Variants in TEKT5 observed in about 807,000 individuals in gnomAD.
The protein encoded by TEKT5 is tektin-5.
A neutral mutation model predicts 48.7 loss-of-function variants in TEKT5; 52 were observed. The ratio of observed to expected loss-of-function variants is 1.07; its 90% CI spans 0.86 to 1.35. The LOEUF is 1.35. Among genes scored for constraint, TEKT5 ranks in the 40% most tolerant of loss-of-function variants. The pLI is 0.00. For synonymous variants in TEKT5, 318 were observed against 267.6 expected, an observed-to-expected ratio of 1.19 and a Z score of -1.84; for missense variants, 831 against 641.6, an observed-to-expected ratio of 1.30 and a Z score of -3.19.
chr16:10,668,833 C>T (rs543099456), intron 5 of TEKT5, among the ~76,000 whole-genome samples: 4 of 152,248 alleles, frequency 2.6e-5, no homozygotes, highest in South Asian at 4.1e-4. Flanking sequence ...AAGCAGAGTG[C>T]ACAAATACAG....
chr16:10,639,785 G>A (rs1047657529), intron 5 of TEKT5, among the ~76,000 whole-genome samples: 3 of 152,202 alleles, frequency 2.0e-5, no homozygotes, highest in African/African-American at 7.2e-5. Context: ...CTGGTTCACA[G>A]CAGGGTAGGT....
intron 5 of TEKT5, among the ~76,000 whole-genome samples, chr16:10,658,790 T>C (rs1487771919): frequency 1.3e-5 from 2 of 152,012 alleles, no homozygotes; most frequent in East Asian, 3.9e-4. Context: ...CCATCTCAGC[T>C]CACTGCAACC....
chr16:10,685,136 C>T (rs928884395), intron 3 of TEKT5, among the ~76,000 whole-genome samples: 2 of 152,188 alleles, frequency 1.3e-5, no homozygotes, highest in South Asian at 2.1e-4. Flanking sequence ...CTCCATCCGG[C>T]GTGGCTCGGC....
intron 5 of TEKT5, among the ~76,000 whole-genome samples, chr16:10,669,477 G>C (rs1596412622): frequency 6.6e-6 from 1 of 152,044 alleles, no homozygotes; most frequent in East Asian, 1.9e-4. Context: ...AATTATAAAA[G>C]GGAGATTGGC....
intron 5 of TEKT5, 125 bp from the exon 6 acceptor site, chr16:10,636,043 G>A: frequency 1.4e-6 from 2 of 1,420,148 alleles, no homozygotes; most frequent in Non-Finnish European, 9.5e-7. Flanking sequence ...TCCTTCCCCG[G>A]CCTTGAGCAC....
At chr16:10,674,812 G>A (rs1898615860) in intron 5 of TEKT5, among the ~76,000 whole-genome samples, 1 of 151,360 alleles carries the variant, frequency 6.6e-6, no homozygotes, top group Non-Finnish European at 1.5e-5. Flanking sequence ...CAATAAGAAA[G>A]GGCACAGTTC....
At position 10,633,697 on chromosome 16, in the gene TEKT5, G is replaced by A. The variant is rs193054750; in HGVS notation, c.1241+2067C>T. 6.6e-5 allele frequency among the ~76,000 whole-genome samples: 10 copies of A among 152,184 alleles called. No homozygotes were observed. The East Asian group carries it at 7.7e-4, about 12-fold the overall frequency. ...AGCTGGGACTACAGGTACATGTCACGATGCCTGGCTAAGTTTTGTATTTTA... is the reference window on the plus strand; with the variant it reads ...AGCTGGGACTACAGGTACATGTCACAATGCCTGGCTAAGTTTTGTATTTTA... On this transcript the variant is annotated intron_variant, in intron 6 of 6. Transcript: ENST00000283025.
chr16:10,655,366 C>T (rs929054200), intron 5 of TEKT5, among the ~76,000 whole-genome samples: 1 of 152,044 alleles, frequency 6.6e-6, no homozygotes, highest in Admixed American at 6.5e-5. Context: ...CACTACTTAC[C>T]CCCTATTCAA....
chr16:10,675,644 T>C (rs928936877), intron 5 of TEKT5, among the ~76,000 whole-genome samples: 3 of 152,122 alleles, frequency 2.0e-5, no homozygotes, highest in Non-Finnish European at 4.4e-5. Flanking sequence ...CCGGGCTCCG[T>C]TCTCTGCACT....
chr16:10,689,521 CTTTTTT>C (rs35713504), intron 2 of TEKT5, among the ~76,000 whole-genome samples, 198 bp from the exon 3 acceptor site: 6 of 105,548 alleles, frequency 5.7e-5, no homozygotes, highest in African/African-American at 1.9e-4. Flanking sequence ...GAGGCTCCAC[CTTTTTT>C]TTTTTTTTTT....
At chr16:10,639,490 G>T (rs1389264840) in intron 5 of TEKT5, among the ~76,000 whole-genome samples, 2 of 152,110 alleles carry the variant, frequency 1.3e-5, no homozygotes, top group Non-Finnish European at 2.9e-5. Context: ...AAGACCTTGG[G>T]CATCCATGTC....
chr16:10,650,893 A>G (rs1026223673), intron 5 of TEKT5, among the ~76,000 whole-genome samples: 15 of 151,684 alleles, frequency 9.9e-5, no homozygotes, highest in Non-Finnish European at 2.1e-4. Context: ...TAAAAAAAAA[A>G]AAAAAGCCAC....
At chr16:10,635,160 T>C (rs564510877) in intron 6 of TEKT5, among the ~76,000 whole-genome samples, 199 of 149,898 alleles carry the variant, frequency 1.3e-3, no homozygotes, top group Non-Finnish European at 2.3e-3. Context: ...CTGGCCATCA[T>C]CCTATTACAA....
At chr16:10,679,815 T>C (rs1006025424) in intron 4 of TEKT5, among the ~76,000 whole-genome samples, 1 of 152,192 alleles carries the variant, frequency 6.6e-6, no homozygotes, top group Non-Finnish European at 1.5e-5. Context: ...GAGCATCGCT[T>C]GAACCCAGGA....
chr16:10,662,004 T>G (rs889654992), intron 5 of TEKT5, among the ~76,000 whole-genome samples: 7 of 152,202 alleles, frequency 4.6e-5, no homozygotes, highest in African/African-American at 1.7e-4. Flanking sequence ...CCTAGCCATC[T>G]ACCTATCTAC....
chr16:10,658,651 G>C (rs1898305146), intron 5 of TEKT5, among the ~76,000 whole-genome samples: 2 of 152,118 alleles, frequency 1.3e-5, no homozygotes, highest in African/African-American at 4.8e-5. Flanking sequence ...CCTAGCCTTT[G>C]ATCTGGAACA....
At chr16:10,688,323 T>C (rs1360978692) in intron 3 of TEKT5, among the ~76,000 whole-genome samples, 3 of 152,232 alleles carry the variant, frequency 2.0e-5, no homozygotes, top group Non-Finnish European at 2.9e-5. Context: ...TCTTTCTCCC[T>C]AACACCCAGA....
chr16:10,646,626 T>C (rs866145020), intron 5 of TEKT5, among the ~76,000 whole-genome samples: 12 of 152,186 alleles, frequency 7.9e-5, no homozygotes, highest in African/African-American at 2.9e-4. Flanking sequence ...AGTCCTGGCT[T>C]CTGTATTAGC....
chr16:10,684,704 C>A (rs1286722742), intron 3 of TEKT5, among the ~76,000 whole-genome samples: 1 of 152,222 alleles, frequency 6.6e-6, no homozygotes, highest in Non-Finnish European at 1.5e-5. Flanking sequence ...GTCCAGCTGC[C>A]TGGCCCTTGT....
Sources: gnomAD v4.1 joint callset for allele counts (sites outside exome capture counted in the v4.1 genomes callset) on GRCh38, gnomAD v4.1.1 for gene constraint, MANE v1.5 for transcripts, NCBI Gene and HGNC (gene_info 2026-07-23, HGNC 2026-07-21) for gene names.